Variants in ATM observed in about 807,000 individuals in gnomAD.
ATM encodes the protein ATM serine/threonine kinase.
In ATM, 308 loss-of-function variants were observed where a neutral mutation model predicts 387.0. The ratio of observed to expected loss-of-function variants is 0.80; its 90% CI spans 0.73 to 0.87. The LOEUF (loss-of-function observed/expected upper bound fraction) is 0.87. Ranked by LOEUF, ATM falls within the 40% of genes least tolerant of loss-of-function variation. The pLI is 0.00. For missense variants in ATM, 3,312 were observed against 3,560.9 expected, an observed-to-expected ratio of 0.93 and a Z score of 1.78; for synonymous variants, 1,156 against 1,187.3, an observed-to-expected ratio of 0.97 and a Z score of 0.54.
chr11:108,329,413 G>GTTT, intron 49 of ATM, 175 bp downstream of exon 49: 1 of 559,116 alleles, frequency 1.8e-6, no homozygotes, highest in Non-Finnish European at 3.1e-6. Flanking sequence ...TTTGTTTTTT[G>GTTT]TTTTTTTTTT....
chr11:108,358,042 T>A (rs1012700242), intron 61 of ATM, among the ~76,000 whole-genome samples: 2 of 143,992 alleles, frequency 1.4e-5, no homozygotes, highest in East Asian at 3.9e-4. Context: ...AGTTGACAAC[T>A]TTGAAAAAAA....
At chr11:108,352,936 AG>A (rs548163755) in intron 59 of ATM, among the ~76,000 whole-genome samples, 236 of 152,254 alleles carry the variant, frequency 1.6e-3, no homozygotes, top group Non-Finnish European at 2.7e-3. Flanking sequence ...GCTGGGTGAT[AG>A]GCTATGGGAG....
At chr11:108,294,478 G>T (rs556616080) in intron 31 of ATM, among the ~76,000 whole-genome samples, 8 of 152,294 alleles carry the variant, frequency 5.3e-5, no homozygotes, top group African/African-American at 1.7e-4. Flanking sequence ...AGTGGCTCAC[G>T]CCTGTAATCC....
At chr11:108,243,904 A>G in intron 5 of ATM, 49 bp from the exon 6 acceptor site, 1 of 1,459,994 alleles carries the variant, frequency 6.8e-7, no homozygotes, top group Non-Finnish European at 9.3e-7. Context: ...CATTTAATAC[A>G]TTTTGATTTT....
intron 39 of ATM, among the ~76,000 whole-genome samples, chr11:108,312,160 A>G (rs181291071): frequency 3.9e-4 from 60 of 152,282 alleles, no homozygotes; most frequent in Middle Eastern, 3.4e-3. Context: ...AAACAATCCA[A>G]TCTCTTTATA....
chr11:108,326,231 T>C lies in ATM; in HGVS notation c.6975+6T>C, dbSNP rs1169579742. 6.2e-7 allele frequency: 1 copy of C among 1,613,042 alleles called. No homozygotes were observed. The highest frequency in any genetic ancestry group is 2.2e-5 in the East Asian group (1 of 44,852). ...TGGATGCCAGCTGTGCAGCGGTTTG[T>C]TTTTTTTATTGGCTGGATTAGTGTT... On this transcript the variant is annotated splice_donor_region_variant and intron_variant, in intron 47 of 62. Coordinates refer to ENST00000675843, the MANE Select transcript of ATM (RefSeq NM_000051.4).
At chr11:108,336,541 T>C (rs1444229669) in intron 56 of ATM, 1 of 154,110 alleles carries the variant, frequency 6.5e-6, no homozygotes, top group Middle Eastern at 3.1e-3. Context: ...TGTATGTATG[T>C]AGTTTTTTAT....
chr11:108,238,110 A>T (rs2079384126), intron 5 of ATM, among the ~76,000 whole-genome samples: 1 of 151,790 alleles, frequency 6.6e-6, no homozygotes, highest in East Asian at 1.9e-4. Context: ...TATTTTTAGT[A>T]GAGACAGGGT....
intron 24 of ATM, among the ~76,000 whole-genome samples, chr11:108,281,632 CAGT>C (rs2082237558): frequency 6.6e-6 from 1 of 152,190 alleles, no homozygotes; most frequent in African/African-American, 2.4e-5. Flanking sequence ...TACATCAGCA[CAGT>C]ATTATAGAAT....
intron 49 of ATM, among the ~76,000 whole-genome samples, chr11:108,329,782 A>G (rs2086063809): frequency 1.3e-5 from 2 of 152,198 alleles, no homozygotes; most frequent in African/African-American, 4.8e-5. Context: ...TGAATAATTC[A>G]TGCTCTGCTT....
At chr11:108,274,633 A>C (rs2081830230) in intron 22 of ATM, among the ~76,000 whole-genome samples, 1 of 152,200 alleles carries the variant, frequency 6.6e-6, no homozygotes, top group Non-Finnish European at 1.5e-5. Context: ...TTTACCTAGT[A>C]GTCATTCAGG....
chr11:108,353,699 C>A, intron 59 of ATM, 67 bp from the exon 60 acceptor site: 1 of 1,299,362 alleles, frequency 7.7e-7, no homozygotes, highest in Non-Finnish European at 1.1e-6. Context: ...GTAAAGTTCA[C>A]ATTCTAACTG....
chr11:108,321,038 G>T (rs925964862), intron 44 of ATM, among the ~76,000 whole-genome samples: 1 of 152,210 alleles, frequency 6.6e-6, no homozygotes, highest in Admixed American at 6.5e-5. Flanking sequence ...AGTAGGATAA[G>T]GAGGAAGGGT....
At chr11:108,229,375 T>A (rs2135041065) in intron 4 of ATM, 52 bp downstream of exon 4, 1 of 1,455,384 alleles carries the variant, frequency 6.9e-7, no homozygotes, top group African/African-American at 1.6e-5. Flanking sequence ...TACTGTCGCG[T>A]GAGTTTTTTT....
chr11:108,325,205 T>G, intron 45 of ATM, 105 bp from the exon 46 acceptor site: 1 of 785,960 alleles, frequency 1.3e-6, no homozygotes. Flanking sequence ...AAAAGTTCCT[T>G]TGTATTATTA....
rs771554153 is a variant in ATM at position 108,293,331 on chromosome 11, T to C, written c.4630T>C (p.Tyr1544His). The change falls in exon 31 of 63, where the codon TAC (tyrosine) becomes CAC (histidine). Residue 1544 changes from tyrosine to histidine, a missense_variant. Physicochemically the swap from Tyr to His is moderately conservative, Grantham distance 83. Around this residue, in one of 4 missense-constraint regions of ATM, gnomAD observed 1,791 missense variants for 1,804.5 expected, o/e 0.99. Coordinates refer to ENST00000675843, the MANE Select transcript of ATM (RefSeq NM_000051.4). ...VQKQVLDLLK[Y>H]LVIDNKDNEN... ...TATTTAGGTATTGGACTTGTTGAAA[T>C]ACTTAGTGATAGATAACAAGGATAA... is the stretch of plus-strand genomic sequence containing the variant. The C allele has an allele frequency of 2.6e-6, 4 of 1,559,182 alleles. No individual in the cohort carries two copies. In the South Asian group the frequency reaches 3.5e-5, roughly 13 times the overall value.
intron 23 of ATM, 30 bp from the exon 24 acceptor site, chr11:108,280,965 A>G (rs1369516840): frequency 1.9e-6 from 3 of 1,541,328 alleles, no homozygotes; most frequent in South Asian, 2.3e-5. Flanking sequence ...TACATTTTAC[A>G]TTACATTTTT....
intron 45 of ATM, among the ~76,000 whole-genome samples, chr11:108,324,734 G>T: frequency 6.6e-6 from 1 of 152,124 alleles, no homozygotes; most frequent in East Asian, 1.9e-4. Context: ...GTATTTCATA[G>T]TTCAGTTATT....
intron 33 of ATM, among the ~76,000 whole-genome samples, chr11:108,298,551 A>G (rs1454336335): frequency 2.0e-5 from 3 of 152,140 alleles, no homozygotes; most frequent in African/African-American, 7.2e-5. Context: ...CTGATTTACA[A>G]CAGAAGCCCT....
Sources: allele counts gnomAD v4.1 joint callset (sites outside exome capture counted in the v4.1 genomes callset), GRCh38; gene constraint gnomAD v4.1.1; regional missense constraint gnomAD v4.1.1; transcripts MANE v1.5; gene names NCBI Gene and HGNC (gene_info 2026-07-23, HGNC 2026-07-21).